Variants in PREPL observed in about 807,000 individuals in gnomAD.
PREPL encodes the protein prolyl endopeptidase like, also known as prolyl endopeptidase-like.
Under a neutral mutation model 70.6 loss-of-function variants are expected in PREPL, and 77 were observed. That is an observed-to-expected ratio of 1.09 (90% CI 0.91 to 1.32). The LOEUF (loss-of-function observed/expected upper bound fraction) is 1.32. Among genes scored for constraint, PREPL ranks in the 40% most tolerant of loss-of-function variants. The pLI, the probability that PREPL is intolerant of heterozygous loss-of-function variation, is 0.00. For missense variants in PREPL, 1,002 were observed against 778.2 expected (o/e 1.29, Z -3.42); for synonymous variants, 315 against 264.8 (o/e 1.19, Z -1.84).
At chr2:44,359,447 TA>T (rs779191892) in intron 1 of PREPL, 5 of 1,339,824 alleles carry the variant, frequency 3.7e-6, no homozygotes, top group Non-Finnish European at 5.2e-6. Context: ...ATTTTTAAAT[TA>T]AAATTAATCT....
At chr2:44,335,324 AC>A (rs1674529361) in intron 7 of PREPL, among the ~76,000 whole-genome samples, 1 of 152,238 alleles carries the variant, frequency 6.6e-6, no homozygotes, top group African/African-American at 2.4e-5. Context: ...AGTAAACTCC[AC>A]ATGACATTTC....
In PREPL at chr2:44,318,076, C is replaced by T. The variant is rs746130350; in HGVS notation, c.*3280G>A. On this transcript the variant is annotated 3_prime_UTR_variant, in exon 14 of 14. Coordinates refer to ENST00000409411, the MANE Select transcript of PREPL (RefSeq NM_001171613.2). ...ATATTTGCACATGTGCACAATAATA[C>T]TTAAAGGATCTCAACACTGTTTTTT... 6.8e-6 allele frequency: 3 copies of T among 440,220 alleles called. No individual in the cohort carries two copies. The highest frequency in any genetic ancestry group is 9.0e-6 in the Non-Finnish European group (2 of 221,866). The allele number at this position is 440,220 out of a possible 1,614,324, so 27.3% of individuals were successfully genotyped here.
intron 5 of PREPL, 96 bp from the exon 6 acceptor site, chr2:44,339,459 G>C: frequency 1.0e-5 from 15 of 1,478,100 alleles, no homozygotes; most frequent in African/African-American, 1.4e-5. Flanking sequence ...TATACATGTT[G>C]ATTTATAATG....
At chr2:44,341,799 T>C (rs970395300) in intron 5 of PREPL, among the ~76,000 whole-genome samples, 16 of 151,990 alleles carry the variant, frequency 1.1e-4, no homozygotes, top group African/African-American at 3.9e-4. Context: ...CTTTTAAAAA[T>C]GCATCTTTTT....
rs762928182 is a variant in PREPL, at chr2:44,344,503, G to T, written c.142+17C>A. The stretch of plus-strand genomic sequence containing the variant: ...ATCTGAAAATTAGAGCACGTAAAAA[G>T]AAAAATTGTGGTGTACCTTCTTCAT... On this transcript the variant is annotated intron_variant, in intron 3 of 13. Coordinates refer to ENST00000409411, the MANE Select transcript of PREPL (RefSeq NM_001171613.2). The T allele has an allele frequency of 3.3e-6, 5 of 1,532,862 alleles. No homozygotes were observed. The African/African-American group carries it at 5.6e-5, about 17-fold the overall frequency. 95.0% of individuals were successfully genotyped at this position (1,532,862 alleles called of 1,614,324 possible). A position where few individuals can be genotyped will look rare whatever the true frequency, so the allele number is the denominator to read the frequency against.
chr2:44,344,413 T>C, intron 3 of PREPL, 107 bp downstream of exon 3: 2 of 899,454 alleles, frequency 2.2e-6, no homozygotes, highest in Non-Finnish European at 3.3e-6. Flanking sequence ...AATTCAGAAA[T>C]AATCTTTAAA....
intron 2 of PREPL, among the ~76,000 whole-genome samples, chr2:44,345,981 A>T (rs528007977): frequency 1.0e-4 from 15 of 148,296 alleles, no homozygotes; most frequent in African/African-American, 2.2e-4. Flanking sequence ...GTCTCTTGAA[A>T]TTTTTTTTTT....
intron 5 of PREPL, among the ~76,000 whole-genome samples, chr2:44,341,581 A>T (rs1312316815): frequency 1.3e-5 from 2 of 152,098 alleles, no homozygotes; most frequent in African/African-American, 4.8e-5. Flanking sequence ...AGGAAGTGAG[A>T]ACACAAGTGG....
chr2:44,329,133 T>A, intron 8 of PREPL, 21 bp from the exon 9 acceptor site: 1 of 1,553,822 alleles, frequency 6.4e-7, no homozygotes, highest in South Asian at 1.1e-5. Context: ...AGAATTACTA[T>A]GTATGTAAAG....
intron 4 of PREPL, among the ~76,000 whole-genome samples, 184 bp downstream of exon 4, chr2:44,343,561 A>G (rs919883079): frequency 6.6e-6 from 1 of 152,196 alleles, no homozygotes; most frequent in African/African-American, 2.4e-5. Context: ...AAAATTACCC[A>G]TCTAGATATA....
At chr2:44,322,351 G>A (rs570398098) in intron 12 of PREPL, among the ~76,000 whole-genome samples, 1 of 152,220 alleles carries the variant, frequency 6.6e-6, no homozygotes, top group Non-Finnish European at 1.5e-5. Flanking sequence ...TAAACAGTTT[G>A]GGCACTGATG....
At chr2:44,350,031 A>C (rs980760856) in intron 1 of PREPL, among the ~76,000 whole-genome samples, 1 of 152,216 alleles carries the variant, frequency 6.6e-6, no homozygotes, top group African/African-American at 2.4e-5. Context: ...AGAAACAGCT[A>C]ATCTTTTCAT....
chr2:44,344,645 G>C, intron 2 of PREPL, 59 bp from the exon 3 acceptor site: 1 of 1,267,300 alleles, frequency 7.9e-7, no homozygotes, highest in South Asian at 1.4e-5. Flanking sequence ...TTCATAGTCT[G>C]ACTATTCAAG....
At chr2:44,346,447 C>G in intron 1 of PREPL, 57 bp from the exon 2 acceptor site, 1 of 1,546,510 alleles carries the variant, frequency 6.5e-7, no homozygotes, top group Non-Finnish European at 8.8e-7. Flanking sequence ...AAAACTTTTG[C>G]TTTTTAAAGA....
intron 7 of PREPL, among the ~76,000 whole-genome samples, chr2:44,333,958 T>C (rs1245017183): frequency 2.0e-5 from 3 of 152,344 alleles, no homozygotes; most frequent in African/African-American, 7.2e-5. Flanking sequence ...ACAGTCTCTA[T>C]GTGACCCACG....
In PREPL at chr2:44,338,521, C is replaced by A. The variant is rs995812289; in HGVS notation, c.718G>T (p.Ala240Ser). 1.2e-6 allele frequency: 2 copies of A among 1,608,260 alleles called. No homozygotes were observed. The highest frequency in any genetic ancestry group is 2.2e-5 in the East Asian group (1 of 44,868). ...CAATTCATAATTGCAGGGGTATCAG[C>A]CGCTGTTCTCATTAGCTACGTGGAA... ...PTEFKLMRTAADTPAIMNWDL... is the reference protein window; with the variant it reads ...PTEFKLMRTASDTPAIMNWDL... Residue 240 changes from alanine (A) to serine (S), a missense_variant, in exon 7 of 14, where the codon GCT becomes TCT. By Grantham distance (99) the Ala-to-Ser change is moderately conservative (BLOSUM62 1). Transcript: ENST00000409411.
intron 5 of PREPL, 103 bp downstream of exon 5, chr2:44,342,314 C>T (rs1572891698): frequency 1.8e-6 from 2 of 1,082,812 alleles, no homozygotes; most frequent in East Asian, 2.5e-5. Context: ...CTTATTATTC[C>T]TGGTTCCAAC....
At chr2:44,323,641 C>T (rs184527602) in intron 10 of PREPL, among the ~76,000 whole-genome samples, 161 of 152,234 alleles carry the variant, frequency 1.1e-3, no homozygotes, top group African/African-American at 3.6e-3. Context: ...GGTTTATCTT[C>T]TAATTTCACA....
chr2:44,342,481 C>A lies in PREPL; in HGVS notation c.421G>T (p.Val141Leu). The change falls in exon 5 of 14, where the codon GTA becomes TTA. Residue 141 changes from valine to leucine, a missense_variant. By Grantham distance (32) the Val-to-Leu change is conservative (BLOSUM62 1). Transcript: ENST00000409411. ...TFQRNLRCHDVYRATFGDNKR... is the reference protein window; with the variant it reads ...TFQRNLRCHDLYRATFGDNKR... ...TTATCACCAAAAGTGGCTCGATATACGTCATGACAGCGAAGGTTCCTCTGG... is the reference window on the plus strand; with the variant it reads ...TTATCACCAAAAGTGGCTCGATATAAGTCATGACAGCGAAGGTTCCTCTGG... The A allele has an allele frequency of 1.2e-6, 2 of 1,612,688 alleles. No individual in the cohort carries two copies. Among genetic ancestry groups the A allele is most frequent in the Non-Finnish European group, 1.7e-6 (2 of 1,179,218 alleles).
Sources: allele counts gnomAD v4.1 joint callset (sites outside exome capture counted in the v4.1 genomes callset), GRCh38; gene constraint gnomAD v4.1.1; transcripts MANE v1.5; gene names NCBI Gene and HGNC (gene_info 2026-07-23, HGNC 2026-07-21).